The following SYT1 variants were observed in gnomAD, a reference collection of about 807,000 sequenced individuals.
SYT1 encodes the protein synaptotagmin-1.
SYT1 carries 8 observed loss-of-function variants against 44.8 expected under a neutral mutation model. The ratio of observed to expected loss-of-function variants is 0.18; its 90% CI spans 0.10 to 0.32. The LOEUF (loss-of-function observed/expected upper bound fraction) is 0.32, where lower values mean the gene tolerates loss of function less well. SYT1 is among the 10% of genes least tolerant of loss of function. The pLI is 1.00. For missense variants in SYT1, 286 were observed against 509.3 expected (o/e 0.56, Z 4.22); for synonymous variants, 154 against 188.8 (o/e 0.82, Z 1.51).
At chr12:79,297,676 A>G (rs977369599) in intron 7 of SYT1, among the ~76,000 whole-genome samples, 16 of 152,150 alleles carry the variant, frequency 1.1e-4, no homozygotes, top group African/African-American at 3.9e-4. Context: ...ACATAAATCC[A>G]AAGTATAATA....
intron 8 of SYT1, among the ~76,000 whole-genome samples, chr12:79,314,812 C>T (rs1482582432): frequency 6.6e-6 from 1 of 152,048 alleles, no homozygotes; most frequent in South Asian, 2.1e-4. Context: ...GTAGAAACAA[C>T]CAAAATATTC....
intron 8 of SYT1, among the ~76,000 whole-genome samples, chr12:79,307,562 TC>T (rs1225382307): frequency 6.9e-6 from 1 of 144,908 alleles, no homozygotes; most frequent in Non-Finnish European, 1.5e-5. Context: ...TTTGCAGACT[TC>T]CGGGGCGCCT....
rs575280339 is a variant in SYT1 at position 79,269,673 on chromosome 12, T to G, written c.167-16114T>G. Among the ~76,000 whole-genome samples the G allele has an allele frequency of 5.5e-4, 83 of 151,994 alleles. 1 individual carries two copies. Among genetic ancestry groups the G allele is most frequent in the Admixed American group, 9.8e-4 (15 of 15,232 alleles). Reference sequence around the variant, plus strand: ...CAATAATCTGCACTCGGGTACCACATATTACCAACTGTATGAAAAAGTACA... The same window carrying G: ...CAATAATCTGCACTCGGGTACCACAGATTACCAACTGTATGAAAAAGTACA... On this transcript the variant is annotated intron_variant, in intron 4 of 10. Coordinates refer to ENST00000261205, the MANE Select transcript of SYT1 (RefSeq NM_005639.3).
At chr12:79,094,761 T>C (rs1878012988) in intron 3 of SYT1, among the ~76,000 whole-genome samples, 1 of 151,902 alleles carries the variant, frequency 6.6e-6, no homozygotes, top group South Asian at 2.1e-4. Flanking sequence ...AAATTCTTAT[T>C]ATGCTCTGAG....
At chr12:79,141,305 T>G (rs1869542395) in intron 3 of SYT1, among the ~76,000 whole-genome samples, 1 of 152,166 alleles carries the variant, frequency 6.6e-6, no homozygotes, top group South Asian at 2.1e-4. Flanking sequence ...TTTAATATAC[T>G]GTGACACTCT....
chr12:79,184,668 A>G (rs1872713248), intron 3 of SYT1, among the ~76,000 whole-genome samples: 1 of 152,092 alleles, frequency 6.6e-6, no homozygotes, highest in Non-Finnish European at 1.5e-5. Context: ...GATAATATCC[A>G]GCATTCAGAA....
intron 1 of SYT1, chr12:78,868,699 A>G (rs1304986973): frequency 1.3e-5 from 2 of 151,874 alleles, no homozygotes. Context: ...CTATTCATGT[A>G]CAAAGTACCA....
At chr12:79,299,355 A>G in intron 7 of SYT1, 29 bp from the exon 8 acceptor site, 1 of 1,607,222 alleles carries the variant, frequency 6.2e-7, no homozygotes, top group Non-Finnish European at 8.5e-7. Context: ...TTGTGACTGG[A>G]TATTTTATCC....
chr12:78,934,595 T>C (rs1324719780), intron 1 of SYT1, among the ~76,000 whole-genome samples: 3 of 152,096 alleles, frequency 2.0e-5, no homozygotes, highest in Non-Finnish European at 4.4e-5. Flanking sequence ...TCTTACATCA[T>C]GTCCGGAATT....
chr12:79,114,422 T>C (rs1176113671), intron 3 of SYT1, among the ~76,000 whole-genome samples: 2 of 152,130 alleles, frequency 1.3e-5, no homozygotes, highest in South Asian at 2.1e-4. Context: ...AGCTTTACCT[T>C]TGGCTCTTTA....
chr12:78,870,411 T>G (rs528728245), intron 1 of SYT1, among the ~76,000 whole-genome samples: 2 of 152,082 alleles, frequency 1.3e-5, no homozygotes, highest in South Asian at 4.1e-4. Flanking sequence ...GTTCCGATAT[T>G]TTTTTATCAA....
intron 4 of SYT1, among the ~76,000 whole-genome samples, chr12:79,219,462 C>G (rs1875019947): frequency 6.6e-6 from 1 of 151,924 alleles, no homozygotes; most frequent in Non-Finnish European, 1.5e-5. Context: ...GCATTTTATT[C>G]TAGATTCATA....
At chr12:79,426,841 G>C (rs1284169506) in intron 9 of SYT1, among the ~76,000 whole-genome samples, 4 of 152,114 alleles carry the variant, frequency 2.6e-5, no homozygotes, top group Non-Finnish European at 4.4e-5. Flanking sequence ...ACATGTCAAG[G>C]GTGGGACCAG....
chr12:79,016,025 A>G (rs1406057552), intron 2 of SYT1, among the ~76,000 whole-genome samples: 1 of 152,190 alleles, frequency 6.6e-6, no homozygotes, highest in East Asian at 1.9e-4. Context: ...AATCAAGATT[A>G]ATAAGGTCAG....
rs758772466 is a variant in SYT1 at position 79,353,654 on chromosome 12, GC to G, written c.928+36del. The G allele has an allele frequency of 5.9e-6, 9 of 1,530,432 alleles. No homozygotes were observed. The East Asian group carries it at 2.0e-4, about 34-fold the overall frequency. 94.8% of individuals were successfully genotyped at this position (1,530,432 alleles called of 1,614,324 possible). ...CAGTGTTTATTGATTTTTTTCAAAT[GC>G]TGTTTCGTCGTGGATACCAAATGCA... is the stretch of plus-strand genomic sequence containing the variant. On this transcript the variant is annotated intron_variant, in intron 9 of 10. Transcript: ENST00000261205.
chr12:79,064,704 T>C (rs1223331760), intron 3 of SYT1, among the ~76,000 whole-genome samples: 2 of 151,888 alleles, frequency 1.3e-5, no homozygotes, highest in Non-Finnish European at 2.9e-5. Flanking sequence ...AATGTGTGTG[T>C]GTTGGGGGGT....
intron 4 of SYT1, among the ~76,000 whole-genome samples, chr12:79,267,587 A>C (rs1049665191): frequency 6.6e-6 from 1 of 152,258 alleles, no homozygotes; most frequent in Non-Finnish European, 1.5e-5. Context: ...AGAAAGACAT[A>C]CTGAAAATTT....
chr12:79,098,865 A>C (rs1268007938), intron 3 of SYT1, among the ~76,000 whole-genome samples: 2 of 152,156 alleles, frequency 1.3e-5, no homozygotes, highest in Non-Finnish European at 1.5e-5. Context: ...CCATTTTAGA[A>C]CCTGTGAACA....
At chr12:79,032,645 G>C (rs1872896878) in intron 2 of SYT1, among the ~76,000 whole-genome samples, 1 of 151,216 alleles carries the variant, frequency 6.6e-6, no homozygotes, top group African/African-American at 2.4e-5. Context: ...TGTTACAATT[G>C]TTAGTAAAAT....
Sources: gnomAD v4.1 joint callset for allele counts (sites outside exome capture counted in the v4.1 genomes callset) on GRCh38, gnomAD v4.1.1 for gene constraint, MANE v1.5 for transcripts, NCBI Gene and HGNC (gene_info 2026-07-23, HGNC 2026-07-21) for gene names.